NPIPB2: variants seen among roughly 807,000 people sequenced by gnomAD.
NPIPB2 encodes nuclear pore complex interacting protein family member B2.
A neutral mutation model predicts 30.8 loss-of-function variants in NPIPB2; 27 were observed. The observed-to-expected ratio is 0.88, with a 90% CI of 0.65 to 1.21. The LOEUF (loss-of-function observed/expected upper bound fraction) is 1.21. Ranked by LOEUF, NPIPB2 falls within the 50% of genes most tolerant of loss-of-function variation. The pLI is 0.00. For synonymous variants in NPIPB2, 147 were observed against 162.0 expected (o/e 0.91, Z 0.70); for missense variants, 440 against 446.2 (o/e 0.99, Z 0.13).
chr16:11,934,784 A>G (rs1237744763), intron 2 of NPIPB2, among the ~76,000 whole-genome samples: 1 of 140,054 alleles, frequency 7.1e-6, no homozygotes, highest in Non-Finnish European at 1.6e-5. Context: ...GCTTGAACCC[A>G]GGAGGCAGAG....
intron 1 of NPIPB2, among the ~76,000 whole-genome samples, chr16:11,973,438 T>C (rs1314309259): frequency 6.6e-6 from 1 of 152,202 alleles, no homozygotes; most frequent in African/African-American, 2.4e-5. Context: ...CCTTTGAAAG[T>C]TGCTGAAAAA....
intron 1 of NPIPB2, among the ~76,000 whole-genome samples, chr16:11,951,655 CA>C (rs1472829851): frequency 4.7e-5 from 7 of 148,144 alleles, no homozygotes; most frequent in South Asian, 4.7e-4. Flanking sequence ...CACACACACA[CA>C]CACACACACA....
In NPIPB2 at chr16:11,965,236, T is replaced by G; in HGVS notation, c.-584+11332A>C. The G allele has an allele frequency of 1.9e-6, 3 of 1,547,360 alleles. No individual in the cohort carries two copies. In the South Asian group the frequency reaches 3.6e-5, roughly 18 times the overall value. ...TTGTTCTCAACATTCTAGCTGCTCT[T>G]GCTGCATTTGCTCTGGAATTCTTGT... On this transcript the variant is annotated intron_variant, in intron 1 of 5. Coordinates refer to the NPIPB2 transcript ENST00000538896.
chr16:11,946,118 G>A (rs143373637), upstream of NPIPB2, among the ~76,000 whole-genome samples: 721 of 152,060 alleles, frequency 4.7e-3, 8 homozygotes, highest in African/African-American at 0.016. Context: ...GGGCATGGTG[G>A]CTTATACCTG....
At chr16:11,954,673 C>T (rs748767007) in intron 1 of NPIPB2, among the ~76,000 whole-genome samples, 6 of 151,298 alleles carry the variant, frequency 4.0e-5, no homozygotes, top group Non-Finnish European at 5.9e-5. Flanking sequence ...TTTGGGAGGC[C>T]GAGGCGGTAG....
chr16:11,930,510 C>T (rs1200578800), exon 5 of NPIPB2: 3 of 1,588,048 alleles, frequency 1.9e-6, no homozygotes, highest in East Asian at 2.2e-5. Flanking sequence ...TGACACCTGC[C>T]TCTCCTTTTC....
Position 11,950,694 on chromosome 16 carries a change from G to T in NPIPB2, c.-583-8580C>A, listed in dbSNP as rs539894531. On this transcript the variant is annotated intron_variant, in intron 1 of 5. Transcript: ENST00000538896. ...TTGGGGGCCAGGACTCTTTTCTACC[G>T]CTCCCTCCCTCCTCTCATCCTCCCT... is the stretch of plus-strand genomic sequence containing the variant. Among the ~76,000 whole-genome samples the T allele has an allele frequency of 5.8e-4, 88 of 151,976 alleles. 1 individual carries two copies. Among genetic ancestry groups the T allele is most frequent in the Non-Finnish European group, 6.0e-4 (41 of 67,978 alleles).
intron 1 of NPIPB2, among the ~76,000 whole-genome samples, chr16:11,958,252 C>G (rs1392111914): frequency 6.6e-6 from 1 of 151,762 alleles, no homozygotes; most frequent in African/African-American, 2.4e-5. Context: ...ATAGCAAAAC[C>G]TCACCTCTAC....
At chr16:11,958,232 C>T (rs1377475732) in intron 1 of NPIPB2, among the ~76,000 whole-genome samples, 5 of 152,054 alleles carry the variant, frequency 3.3e-5, no homozygotes, top group African/African-American at 1.2e-4. Context: ...TCAAGACTAG[C>T]CTGGCCAACA....
intron 4 of NPIPB2, among the ~76,000 whole-genome samples, chr16:11,931,351 A>G (rs1028112731): frequency 7.0e-6 from 1 of 143,606 alleles, no homozygotes; most frequent in African/African-American, 2.6e-5. Context: ...TGTTGCCCTC[A>G]CACCACTTGA....
intron 1 of NPIPB2, among the ~76,000 whole-genome samples, chr16:11,955,296 G>A (rs2055100499): frequency 7.0e-6 from 1 of 142,300 alleles, no homozygotes. Flanking sequence ...GGGGTTTGCA[G>A]TGAACCAAGA....
At chr16:11,950,862 C>T (rs1052343521) in intron 1 of NPIPB2, among the ~76,000 whole-genome samples, 1 of 152,060 alleles carries the variant, frequency 6.6e-6, no homozygotes, top group Admixed American at 6.6e-5. Flanking sequence ...TGTATGTTCT[C>T]AGCATCTAAC....
At chr16:11,962,625 AAAAACC>A (rs2055162506) in intron 1 of NPIPB2, among the ~76,000 whole-genome samples, 1 of 149,808 alleles carries the variant, frequency 6.7e-6, no homozygotes, top group Non-Finnish European at 1.5e-5. Context: ...AAAAAAAAAA[AAAAACC>A]AAAAAAAAAG....
chr16:11,927,384 T>C (rs2054730698), exon 8 of NPIPB2: 1 of 904,536 alleles, frequency 1.1e-6, no homozygotes, highest in Admixed American at 2.0e-5. Flanking sequence ...CAGGCTTGAG[T>C]GCAATGGCCT....
chr16:11,942,084 A>G (rs62040816), upstream of NPIPB2: 3 of 1,521,016 alleles, frequency 2.0e-6, no homozygotes, highest in Non-Finnish European at 2.6e-6. Context: ...AACCATCTCC[A>G]TCACATCCAT....
intron 1 of NPIPB2, chr16:11,966,160 C>T: frequency 6.4e-7 from 1 of 1,563,426 alleles, no homozygotes; most frequent in Non-Finnish European, 8.7e-7. Context: ...ATTATGTTAT[C>T]AGCTCATTAT....
At chr16:11,968,779 T>TG (rs143915890) in intron 1 of NPIPB2, 5,343 of 152,234 alleles carry the variant, frequency 0.035, 130 homozygotes, top group South Asian at 0.075. Flanking sequence ...CATGCTGACA[T>TG]GACAATCTTC....
At chr16:11,935,070 T>C (rs1324968188) in intron 2 of NPIPB2, among the ~76,000 whole-genome samples, 1 of 139,374 alleles carries the variant, frequency 7.2e-6, no homozygotes, top group Admixed American at 7.5e-5. Flanking sequence ...TGGAGCATCT[T>C]CCTTCTGTCC....
chr16:11,946,879 C>A (rs897779138), upstream of NPIPB2, among the ~76,000 whole-genome samples: 43 of 151,528 alleles, frequency 2.8e-4, no homozygotes, highest in African/African-American at 9.9e-4. Context: ...GCCACCACAC[C>A]CGGCTAATTT....
Sources: allele counts gnomAD v4.1 joint callset (sites outside exome capture counted in the v4.1 genomes callset), GRCh38; gene constraint gnomAD v4.1.1; transcripts MANE v1.5; gene names NCBI Gene and HGNC (gene_info 2026-07-23, HGNC 2026-07-21).